Variants in PHACTR2 observed in about 807,000 individuals in gnomAD.
PHACTR2 encodes chromosome 6 open reading frame 56.
Under a neutral mutation model 76.0 loss-of-function variants are expected in PHACTR2, and 30 were observed. The ratio of observed to expected loss-of-function variants is 0.39; its 90% CI spans 0.30 to 0.54. The LOEUF (loss-of-function observed/expected upper bound fraction) is 0.54, where lower values mean the gene tolerates loss of function less well. Ranked by LOEUF, PHACTR2 falls within the 20% of genes least tolerant of loss-of-function variation. The probability of loss-of-function intolerance (pLI) is 0.61; values close to 1 mark genes in which losing one functional copy is unlikely to be tolerated. For missense variants in PHACTR2, 696 were observed against 781.1 expected, an observed-to-expected ratio of 0.89 and a Z score of 1.30; for synonymous variants, 292 against 292.5, an observed-to-expected ratio of 1.00 and a Z score of 0.02.
rs573607591 is a variant in PHACTR2, at chr6:143,754,037, AAAAG to A, written c.454+133_454+136del. On this transcript the variant is annotated intron_variant, in intron 4 of 12. Coordinates refer to ENST00000440869, the MANE Select transcript of PHACTR2 (RefSeq NM_001100164.2). This position sits in a 1 kb window ranked among gnomAD's most constrained non-coding sequence, Gnocchi z 6.2. The stretch of plus-strand genomic sequence containing the variant: ...GCAGAGGAGAGGTTTACAAATAGAA[AAAAG>A]AAAGAAATGATAACTAGTAAAGTGA... 1 of 499,092 alleles carries A rather than the reference AAAAG, an allele frequency of 2.0e-6. No homozygotes were observed. Among genetic ancestry groups the A allele is most frequent in the South Asian group, 6.5e-5 (1 of 15,464 alleles). 30.9% of individuals were successfully genotyped at this position (499,092 alleles called of 1,614,324 possible). A position where few individuals can be genotyped will look rare whatever the true frequency, so the allele number is the denominator to read the frequency against.
intron 11 of PHACTR2, among the ~76,000 whole-genome samples, chr6:143,805,250 C>T (rs950707299): frequency 6.6e-6 from 1 of 152,052 alleles, no homozygotes; most frequent in Non-Finnish European, 1.5e-5. Flanking sequence ...GAGGCCGAGG[C>T]GGGCGGATCA....
rs1779405149 is a variant in PHACTR2, at chr6:143,760,327, G to A, written c.455-74G>A. On this transcript the variant is annotated intron_variant, in intron 4 of 12. Coordinates refer to ENST00000440869, the MANE Select transcript of PHACTR2 (RefSeq NM_001100164.2). This position sits in a 1 kb window ranked among gnomAD's most constrained non-coding sequence, Gnocchi z 6.4. ...AGCAGACACGCTTTGTGTCACTATC[G>A]TCATGTCTTGCTCCTTGTGTTTATA... 2.2e-6 allele frequency: 3 copies of A among 1,371,288 alleles called. No homozygotes were observed. Among genetic ancestry groups the A allele is most frequent in the East Asian group, 2.5e-5 (1 of 39,994 alleles). 84.9% of individuals were successfully genotyped at this position (1,371,288 alleles called of 1,614,324 possible).
At position 143,629,992 on chromosome 6, in the gene PHACTR2, C is replaced by G. The variant is rs78413247; in HGVS notation, c.13+21670C>G. ...TGAAAAGCAATCAACAGTATTACAG[C>G]TCTTCTGTTTTCATCTTCTTGTGGT... On this transcript the variant is annotated intron_variant, in intron 1 of 11. Coordinates refer to the PHACTR2 transcript ENST00000305766. Among the ~76,000 whole-genome samples the G allele has an allele frequency of 6.6e-3, 998 of 152,082 alleles. 24 individuals are homozygous for G. In the East Asian group the frequency reaches 0.091, roughly 14 times the overall value.
intron 1 of PHACTR2, among the ~76,000 whole-genome samples, chr6:143,631,357 AT>A (rs945172339): frequency 3.9e-5 from 6 of 152,010 alleles, no homozygotes; most frequent in African/African-American, 1.2e-4. Flanking sequence ...CCCCTGGCTA[AT>A]TTAAAAAAAA....
In PHACTR2 at chr6:143,794,510, G is replaced by A. The variant is rs539551935; in HGVS notation, c.1845+5600G>A. Among the ~76,000 whole-genome samples, 1 of 152,134 alleles carries A rather than the reference G, an allele frequency of 6.6e-6. No homozygotes were observed. Among genetic ancestry groups the A allele is most frequent in the South Asian group, 2.1e-4 (1 of 4,812 alleles). On this transcript the variant is annotated intron_variant, in intron 11 of 12. Coordinates refer to ENST00000440869, the MANE Select transcript of PHACTR2 (RefSeq NM_001100164.2). This position sits in a 1 kb window ranked among gnomAD's most constrained non-coding sequence, Gnocchi z 4.1. ...ACCTCTGCTTTAAAAAATAAACAATGAGGCCAGGTGCAGTGGCTCATGCCT... is the reference window on the plus strand; with the variant it reads ...ACCTCTGCTTTAAAAAATAAACAATAAGGCCAGGTGCAGTGGCTCATGCCT...
rs1226620043 is a variant in PHACTR2, at chr6:143,783,342, A to T, written c.1707+62A>T. The T allele has an allele frequency of 4.4e-6, 4 of 908,482 alleles. No individual in the cohort carries two copies. The highest frequency in any genetic ancestry group is 1.7e-5 in the African/African-American group (1 of 60,450). 56.3% of individuals were successfully genotyped at this position (908,482 alleles called of 1,614,324 possible). A position where few individuals can be genotyped will look rare whatever the true frequency, so the allele number is the denominator to read the frequency against. ...TTGAGATATACTTTTAAAAAAAAATACTAATCCTCTCTGTATGTGTAAATC... is the reference window on the plus strand; with the variant it reads ...TTGAGATATACTTTTAAAAAAAAATTCTAATCCTCTCTGTATGTGTAAATC... On this transcript the variant is annotated intron_variant, in intron 10 of 12. Transcript: ENST00000440869. This position sits in a 1 kb window ranked among gnomAD's most constrained non-coding sequence, Gnocchi z 5.2.
In PHACTR2 at chr6:143,578,222, C is replaced by G. The variant is rs1775534682; in HGVS notation, c.217+41015C>G. Among the ~76,000 whole-genome samples, 1 of 152,194 alleles carries G rather than the reference C, an allele frequency of 6.6e-6. No homozygotes were observed. The highest frequency in any genetic ancestry group is 1.5e-5 in the Non-Finnish European group (1 of 68,032). ...GGAGAGGGGTCCCCAGACCTCCATC[C>G]TCACGGTCCAGGATGGGGAAGTCAT... On this transcript the variant is annotated intron_variant, in intron 1 of 11. Coordinates refer to the PHACTR2 transcript ENST00000367584. The surrounding 1 kb of genome is among the most constrained non-coding windows in gnomAD (Gnocchi z 4.5).
At position 143,549,795 on chromosome 6, in the gene PHACTR2, C is replaced by A. The variant is rs1383844117; in HGVS notation, c.217+12588C>A. 2.0e-5 allele frequency among the ~76,000 whole-genome samples: 3 copies of A among 151,852 alleles called. No individual in the cohort carries two copies. Among genetic ancestry groups the A allele is most frequent in the Admixed American group, 6.6e-5 (1 of 15,242 alleles). ...TGATGTTCATGTTTGCAGGCCCTCA[C>A]CTGTGTTAAAGTCATGCTTAGGAGT... On this transcript the variant is annotated intron_variant, in intron 1 of 11. Coordinates refer to the PHACTR2 transcript ENST00000367584. The surrounding 1 kb of genome is among the most constrained non-coding windows in gnomAD (Gnocchi z 4.2).
At chr6:143,705,190 C>T (rs1257766622) in intron 1 of PHACTR2, among the ~76,000 whole-genome samples, 5 of 151,630 alleles carry the variant, frequency 3.3e-5, no homozygotes, top group African/African-American at 1.2e-4. Context: ...GCGATCTTGG[C>T]TCACTGCAGC....
intron 1 of PHACTR2, among the ~76,000 whole-genome samples, chr6:143,705,541 C>G (rs1778033374): frequency 6.6e-6 from 1 of 152,096 alleles, no homozygotes; most frequent in Admixed American, 6.6e-5. Flanking sequence ...CGTGATCTGC[C>G]CACCTCAGCC....
Position 143,774,288 on chromosome 6 carries a change from G to T in PHACTR2, c.1589+73G>T. The T allele has an allele frequency of 7.9e-7, 1 of 1,261,690 alleles. No individual in the cohort carries two copies. The highest frequency in any genetic ancestry group is 2.4e-5 in the East Asian group (1 of 42,350). The allele number at this position is 1,261,690 out of a possible 1,614,324, so 78.2% of individuals were successfully genotyped here. A position where few individuals can be genotyped will look rare whatever the true frequency, so the allele number is the denominator to read the frequency against. On this transcript the variant is annotated intron_variant, in intron 8 of 12. Transcript: ENST00000440869. This position sits in a 1 kb window ranked among gnomAD's most constrained non-coding sequence, Gnocchi z 5.4. ...CCCTCCCAAAGCTTCCTACCTAACT[G>T]GGGTCATTGTGAATTCCTTATGTAC...
chr6:143,560,000 C>T lies in PHACTR2; in HGVS notation c.217+22793C>T, dbSNP rs572844893. Among the ~76,000 whole-genome samples the T allele has an allele frequency of 7.4e-4, 112 of 151,852 alleles. 1 individual carries two copies. The highest frequency in any genetic ancestry group is 8.1e-4 in the Non-Finnish European group (55 of 67,974). ...GGCTGGGATTACAGGTGTGAGCCAC[C>T]GTGCCCAGCTGTTATTTTTCAATAC... On this transcript the variant is annotated intron_variant, in intron 1 of 11. Coordinates refer to the PHACTR2 transcript ENST00000367584.
Position 143,710,172 on chromosome 6 carries a change from G to T in PHACTR2, c.47-1844G>T, listed in dbSNP as rs1054340678. ...CTGTGCCCATTGGTGTTTCTGGGTT[G>T]CTGGCTTCCATGCTTGTTGGCCTTT... On this transcript the variant is annotated intron_variant, in intron 1 of 12. Coordinates refer to ENST00000440869, the MANE Select transcript of PHACTR2 (RefSeq NM_001100164.2). This position sits in a 1 kb window ranked among gnomAD's most constrained non-coding sequence, Gnocchi z 4.9. Among the ~76,000 whole-genome samples, 49 of 152,150 alleles carry T rather than the reference G, an allele frequency of 3.2e-4. 1 individual carries two copies. The highest frequency in any genetic ancestry group is 1.3e-4 in the Admixed American group (2 of 15,284).
chr6:143,667,747 G>A (rs1304937103), intron 1 of PHACTR2, among the ~76,000 whole-genome samples: 2 of 152,232 alleles, frequency 1.3e-5, no homozygotes, highest in Non-Finnish European at 2.9e-5. Context: ...CTTTGCTGAA[G>A]TTGCTTATCA....
rs187785838 is a variant in PHACTR2 at position 143,565,212 on chromosome 6, T to G, written c.217+28005T>G. On this transcript the variant is annotated intron_variant, in intron 1 of 11. Transcript: ENST00000367584. The stretch of plus-strand genomic sequence containing the variant: ...TCAGCGAGCCTAGCCAAGATTAAAT[T>G]CTCTCTGCTCAGATACAGAAAATAA... Among the ~76,000 whole-genome samples, 193 of 152,300 alleles carry G rather than the reference T, an allele frequency of 1.3e-3. 1 individual carries two copies. The highest frequency in any genetic ancestry group is 1.5e-3 in the Non-Finnish European group (105 of 68,024).
At position 143,697,731 on chromosome 6, in the gene PHACTR2, C is replaced by T. The variant is rs1229364421; in HGVS notation, c.47-14285C>T. Among the ~76,000 whole-genome samples the T allele has an allele frequency of 1.3e-5, 2 of 152,202 alleles. No homozygotes were observed. Among genetic ancestry groups the T allele is most frequent in the East Asian group, 3.8e-4 (2 of 5,206 alleles). On this transcript the variant is annotated intron_variant, in intron 1 of 12. Coordinates refer to ENST00000440869, the MANE Select transcript of PHACTR2 (RefSeq NM_001100164.2). The surrounding 1 kb of genome is among the most constrained non-coding windows in gnomAD (Gnocchi z 4.4). ...ATTTCCTCTGTGAAAAATCTAAAGACCTGCTAAAATAAATCATAGCCTAGG... is the reference window on the plus strand; with the variant it reads ...ATTTCCTCTGTGAAAAATCTAAAGATCTGCTAAAATAAATCATAGCCTAGG...
intron 1 of PHACTR2, among the ~76,000 whole-genome samples, chr6:143,694,728 C>T (rs1777731467): frequency 6.6e-6 from 1 of 152,198 alleles, no homozygotes; most frequent in African/African-American, 2.4e-5. Context: ...CAAGAATGTT[C>T]TTGCCAGAAA....
chr6:143,684,313 C>T lies in PHACTR2; in HGVS notation c.46+6104C>T, dbSNP rs1777464767. Reference sequence around the variant, plus strand: ...ACATTTCACCAAATGATACCCCAACCACTCACTTATTCTAGCCCAAGATCT... The same window carrying T: ...ACATTTCACCAAATGATACCCCAACTACTCACTTATTCTAGCCCAAGATCT... On this transcript the variant is annotated intron_variant, in intron 1 of 12. Transcript: ENST00000440869. The surrounding 1 kb of genome is among the most constrained non-coding windows in gnomAD (Gnocchi z 4.3). Among the ~76,000 whole-genome samples the T allele has an allele frequency of 6.6e-6, 1 of 152,146 alleles. No individual in the cohort carries two copies. The highest frequency in any genetic ancestry group is 6.5e-5 in the Admixed American group (1 of 15,284).
In PHACTR2 at chr6:143,825,398, G is replaced by C. The variant is rs1776511872; in HGVS notation, c.*1709G>C. 6.6e-6 allele frequency: 1 copy of C among 152,142 alleles called. No individual in the cohort carries two copies. Among genetic ancestry groups the C allele is most frequent in the Non-Finnish European group, 1.5e-5 (1 of 68,032 alleles). The allele number at this position is 152,142 out of a possible 1,614,324, so 9.4% of individuals were successfully genotyped here. On this transcript the variant is annotated 3_prime_UTR_variant, in exon 13 of 13. Transcript: ENST00000440869. This position sits in a 1 kb window ranked among gnomAD's most constrained non-coding sequence, Gnocchi z 4.1. ...CAGTTGGCCTACTATAAAAAGCCAG[G>C]ACCATGTTAGAATTAGGAAAAGTAA...
Sources: gnomAD v4.1 joint callset for allele counts (sites outside exome capture counted in the v4.1 genomes callset) on GRCh38, gnomAD v4.1.1 for gene constraint, Gnocchi (gnomAD v3.1) non-coding constraint, MANE v1.5 for transcripts, NCBI Gene and HGNC (gene_info 2026-07-23, HGNC 2026-07-21) for gene names.